The following IL1RAPL1 variants were observed in gnomAD, a reference collection of about 807,000 sequenced individuals.
IL1RAPL1 encodes interleukin-1 receptor accessory protein-like 1.
Under a neutral mutation model 48.4 loss-of-function variants are expected in IL1RAPL1, and 3 were observed. The observed-to-expected ratio is 0.06, with a 90% CI of 0.03 to 0.16. The LOEUF (loss-of-function observed/expected upper bound fraction) is 0.16, where lower values mean the gene tolerates loss of function less well. Among genes scored for constraint, IL1RAPL1 ranks in the 10% least tolerant of loss-of-function variants. The pLI, the probability that IL1RAPL1 is intolerant of heterozygous loss-of-function variation, is 1.00. For synonymous variants in IL1RAPL1, 185 were observed against 187.7 expected (o/e 0.99, Z 0.12); for missense variants, 349 against 530.6 (o/e 0.66, Z 3.36).
intron 2 of IL1RAPL1, among the ~76,000 whole-genome samples, chrX:28,957,834 C>T (rs1046376291): frequency 2.7e-4 from 30 of 109,355 alleles, no homozygotes; most frequent in Middle Eastern, 4.7e-3. Flanking sequence ...TGGTGGGCGC[C>T]TGTAATCCCA....
intron 2 of IL1RAPL1, among the ~76,000 whole-genome samples, chrX:29,226,447 T>TC (rs201858099): frequency 0.016 from 1,629 of 104,265 alleles, 21 homozygotes; most frequent in Non-Finnish European, 0.026. Flanking sequence ...TTTCTTTCTT[T>TC]TTTTTTTTTT....
intron 2 of IL1RAPL1, among the ~76,000 whole-genome samples, chrX:28,801,937 A>G (rs1338747009): frequency 1.8e-5 from 2 of 111,919 alleles, no homozygotes; most frequent in Non-Finnish European, 3.8e-5. Context: ...AGCACTTTCA[A>G]TGCATACTAA....
At chrX:29,602,397 G>A (rs1602319942) in intron 5 of IL1RAPL1, among the ~76,000 whole-genome samples, 1 of 111,536 alleles carries the variant, frequency 9.0e-6, no homozygotes, top group East Asian at 2.8e-4. Context: ...TTTTGACTTT[G>A]TCATGCTCTT....
intron 2 of IL1RAPL1, among the ~76,000 whole-genome samples, chrX:28,847,869 C>A (rs773804754): frequency 1.8e-5 from 2 of 111,955 alleles, no homozygotes; most frequent in East Asian, 5.6e-4. Context: ...GTCTGTCTCC[C>A]TTCACTTCAG....
chrX:28,860,695 G>A (rs1239056245), intron 2 of IL1RAPL1, among the ~76,000 whole-genome samples: 3 of 110,287 alleles, frequency 2.7e-5, no homozygotes, highest in Non-Finnish European at 1.9e-5. Context: ...CTGACCTCAG[G>A]TGATCCGCCC....
intron 6 of IL1RAPL1, among the ~76,000 whole-genome samples, chrX:29,702,209 G>C (rs1373404019): frequency 9.3e-6 from 1 of 107,054 alleles, no homozygotes; most frequent in Non-Finnish European, 1.9e-5. Context: ...AGCCGAGATT[G>C]CGCCACTGCA....
At chrX:29,666,174 A>G (rs1278678519) in intron 5 of IL1RAPL1, among the ~76,000 whole-genome samples, 1 of 111,422 alleles carries the variant, frequency 9.0e-6, no homozygotes, top group Non-Finnish European at 1.9e-5. Flanking sequence ...AAGCACCGTA[A>G]GGTATAAGGA....
rs1242654774 is a variant in IL1RAPL1, at chrX:29,777,716, G to GT, written c.778+109221dup. ...ATAACAATTAGAATAATGGTAAGAAGTTTTTTTTTCAAATGAAGTACATCC... is the reference window on the plus strand; with the variant it reads ...ATAACAATTAGAATAATGGTAAGAAGTTTTTTTTTTCAAATGAAGTACATCC... On this transcript the variant is annotated intron_variant, in intron 6 of 10. Transcript: ENST00000378993. Among the ~76,000 whole-genome samples, 9 of 109,246 alleles carry GT rather than the reference G, an allele frequency of 8.2e-5. No individual in the cohort carries two copies. In the East Asian group the frequency reaches 8.6e-4, roughly 10 times the overall value. The allele number at this position is 109,246 out of a possible 115,157, so 94.9% of individuals were successfully genotyped here. A position where few individuals can be genotyped will look rare whatever the true frequency, so the allele number is the denominator to read the frequency against.
At chrX:29,949,201 CCTT>C (rs755289875) in intron 9 of IL1RAPL1, among the ~76,000 whole-genome samples, 48 of 111,810 alleles carry the variant, frequency 4.3e-4, no homozygotes, top group Middle Eastern at 4.7e-3. Flanking sequence ...GCCATTTTTT[CCTT>C]CTTCATCAAG....
chrX:29,002,127 C>A (rs1463640754), intron 2 of IL1RAPL1, among the ~76,000 whole-genome samples: 1 of 109,514 alleles, frequency 9.1e-6, no homozygotes, highest in Non-Finnish European at 1.9e-5. Context: ...CTCTCGAACT[C>A]CTGACCTTGT....
intron 1 of IL1RAPL1, among the ~76,000 whole-genome samples, chrX:28,745,052 G>T (rs1237635281): frequency 1.8e-5 from 2 of 111,625 alleles, no homozygotes; most frequent in Non-Finnish European, 3.8e-5. Context: ...GATACTTGTG[G>T]TTCCCAAGTT....
intron 6 of IL1RAPL1, among the ~76,000 whole-genome samples, chrX:29,851,020 C>T (rs1931356459): frequency 9.0e-6 from 1 of 111,485 alleles, no homozygotes; most frequent in Admixed American, 9.6e-5. Context: ...AGTATCTGTC[C>T]AGATTGCCAT....
At chrX:29,114,265 C>A (rs1297399765) in intron 2 of IL1RAPL1, among the ~76,000 whole-genome samples, 2 of 112,048 alleles carry the variant, frequency 1.8e-5, no homozygotes, top group African/African-American at 6.5e-5. Flanking sequence ...TTTAAGAGGA[C>A]ATTTTAACGC....
chrX:29,463,135 A>G (rs1467847573), intron 5 of IL1RAPL1, among the ~76,000 whole-genome samples: 1 of 111,235 alleles, frequency 9.0e-6, no homozygotes, highest in East Asian at 2.8e-4. Context: ...ACTTTATTTT[A>G]TGACAAATGC....
intron 2 of IL1RAPL1, among the ~76,000 whole-genome samples, chrX:28,815,038 T>C (rs1338381250): frequency 9.0e-6 from 1 of 110,696 alleles, no homozygotes; most frequent in African/African-American, 3.3e-5. Flanking sequence ...TATATTTACC[T>C]AATACATTGT....
At chrX:29,488,738 T>C (rs145426680) in intron 5 of IL1RAPL1, among the ~76,000 whole-genome samples, 2,128 of 111,256 alleles carry the variant, frequency 0.019, 50 homozygotes, top group African/African-American at 0.066. Context: ...TGAGAGGTGG[T>C]GCATATATAA....
chrX:29,872,367 C>T (rs747553023), intron 6 of IL1RAPL1, among the ~76,000 whole-genome samples: 2 of 112,091 alleles, frequency 1.8e-5, no homozygotes, highest in Admixed American at 1.9e-4. Context: ...CCTGAGAAAG[C>T]AGCTCATTGA....
intron 2 of IL1RAPL1, among the ~76,000 whole-genome samples, chrX:28,907,590 A>T (rs1923251689): frequency 8.9e-6 from 1 of 112,619 alleles, no homozygotes; most frequent in Non-Finnish European, 1.9e-5. Flanking sequence ...AGCATTGCAT[A>T]CCTGGTATAA....
intron 2 of IL1RAPL1, among the ~76,000 whole-genome samples, chrX:29,060,562 A>G (rs995949453): frequency 2.7e-5 from 3 of 111,666 alleles, no homozygotes; most frequent in Admixed American, 1.9e-4. Context: ...TCACCAGATA[A>G]ATACCTAACT....
Sources: gnomAD v4.1 joint callset for allele counts (sites outside exome capture counted in the v4.1 genomes callset) on GRCh38, gnomAD v4.1.1 for gene constraint, MANE v1.5 for transcripts, NCBI Gene and HGNC (gene_info 2026-07-23, HGNC 2026-07-21) for gene names.